SLC45A1: variants seen among roughly 807,000 people sequenced by gnomAD.
SLC45A1 encodes proton-associated sugar transporter A.
A neutral mutation model predicts 57.6 loss-of-function variants in SLC45A1; 28 were observed. The ratio of observed to expected loss-of-function variants is 0.49; its 90% CI spans 0.36 to 0.67. The LOEUF is 0.67. Ranked by LOEUF, SLC45A1 falls within the 30% of genes least tolerant of loss-of-function variation. The pLI, the probability that SLC45A1 is intolerant of heterozygous loss-of-function variation, is 0.00. For synonymous variants in SLC45A1, 459 were observed against 471.5 expected, an observed-to-expected ratio of 0.97 and a Z score of 0.34; for missense variants, 814 against 1,041.5, an observed-to-expected ratio of 0.78 and a Z score of 3.01.
rs547186750 is a variant in SLC45A1, at chr1:8,330,378, G to A, written c.885G>A (p.Pro295=). 48 of 1,612,932 alleles carry A rather than the reference G, an allele frequency of 3.0e-5. 1 individual carries two copies. The highest frequency in any genetic ancestry group is 2.2e-4 in the South Asian group (20 of 91,068). Residue 295 remains proline, a synonymous_variant, in exon 5 of 9, where the codon CCG becomes CCA. Coordinates refer to ENST00000471889, the MANE Select transcript of SLC45A1 (RefSeq NM_001080397.3). This position sits in a 1 kb window ranked among gnomAD's most constrained non-coding sequence, Gnocchi z 8.4. ...LVSIPERPLR[P]PSEKRAAMKS... ...GCATCCCTGAGAGGCCGCTGCGGCC[G>A]CCGAGTGAGAAGCGGGCAGCCATGA... is the stretch of plus-strand genomic sequence containing the variant.
chr1:8,334,946 G>C (rs1468395064), intron 5 of SLC45A1, among the ~76,000 whole-genome samples: 2 of 152,172 alleles, frequency 1.3e-5, no homozygotes, highest in Non-Finnish European at 2.9e-5. Context: ...GTCAAGGGCT[G>C]AGGTGCTCAT....
At chr1:8,332,663 C>G (rs935191940) in intron 5 of SLC45A1, among the ~76,000 whole-genome samples, 4 of 151,970 alleles carry the variant, frequency 2.6e-5, no homozygotes, top group Non-Finnish European at 5.9e-5. Context: ...GGGCACCCAC[C>G]ACCACGCCCG....
At chr1:8,341,107 G>A (rs867586132) in intron 8 of SLC45A1, among the ~76,000 whole-genome samples, 16 of 151,348 alleles carry the variant, frequency 1.1e-4, no homozygotes, top group South Asian at 8.4e-4. Context: ...CAGGAGAATC[G>A]CTTGAATCTG....
Position 8,335,710 on chromosome 1 carries a change from C to A in SLC45A1, c.1597+120C>A. The A allele has an allele frequency of 8.7e-7, 1 of 1,150,830 alleles. No homozygotes were observed. Among genetic ancestry groups the A allele is most frequent in the Non-Finnish European group, 1.2e-6 (1 of 842,102 alleles). The allele number at this position is 1,150,830 out of a possible 1,614,324, so 71.3% of individuals were successfully genotyped here. On this transcript the variant is annotated intron_variant, in intron 6 of 8. Coordinates refer to ENST00000471889, the MANE Select transcript of SLC45A1 (RefSeq NM_001080397.3). The surrounding 1 kb of genome is among the most constrained non-coding windows in gnomAD (Gnocchi z 4.1). The stretch of plus-strand genomic sequence containing the variant: ...GAACCTTTCTGAGTTCACCAGCCCC[C>A]AACAACAGCACCAAGGGCAGGCCTG...
In SLC45A1 at chr1:8,323,505, A is replaced by G. The variant is rs571659581; in HGVS notation, c.-24-801A>G. Reference sequence around the variant, plus strand: ...GACTCTGTCTCAAAAAAAAAAAAAAAAAAAAAGTAAGTTGAAGCTGGGGGG... The same window carrying G: ...GACTCTGTCTCAAAAAAAAAAAAAAGAAAAAAGTAAGTTGAAGCTGGGGGG... On this transcript the variant is annotated intron_variant, in intron 1 of 8. Coordinates refer to ENST00000471889, the MANE Select transcript of SLC45A1 (RefSeq NM_001080397.3). Among the ~76,000 whole-genome samples the G allele has an allele frequency of 3.6e-3, 540 of 151,398 alleles. 8 individuals carry two copies. Among genetic ancestry groups the G allele is most frequent in the African/African-American group, 0.012 (507 of 41,292 alleles).
chr1:8,338,755 T>A (rs7537649), intron 7 of SLC45A1, among the ~76,000 whole-genome samples: 5,106 of 152,240 alleles, frequency 0.034, 127 homozygotes, highest in African/African-American at 0.063. Flanking sequence ...AAAATATTCA[T>A]CTTTTTTTGG....
chr1:8,343,608 T>A lies in SLC45A1; in HGVS notation c.1981-139T>A. The stretch of plus-strand genomic sequence containing the variant: ...TTGTTAAACTCTTGGCTGAACTCCC[T>A]GTGCATGTTGGCGCTGAAAAATGTG... On this transcript the variant is annotated intron_variant, in intron 8 of 8. Coordinates refer to ENST00000471889, the MANE Select transcript of SLC45A1 (RefSeq NM_001080397.3). The surrounding 1 kb of genome is among the most constrained non-coding windows in gnomAD (Gnocchi z 7.7). The A allele has an allele frequency of 1.2e-6, 1 of 805,514 alleles. No individual in the cohort carries two copies. Among genetic ancestry groups the A allele is most frequent in the Non-Finnish European group, 2.0e-6 (1 of 508,838 alleles). The allele number at this position is 805,514 out of a possible 1,614,324, so 49.9% of individuals were successfully genotyped here. A position where few individuals can be genotyped will look rare whatever the true frequency, so the allele number is the denominator to read the frequency against.
chr1:8,322,240 T>G, intron 1 of SLC45A1, among the ~76,000 whole-genome samples: 1 of 36 alleles, frequency 0.028, no homozygotes, highest in African/African-American at 0.071. Context: ...GGTGGGTGGG[T>G]GGATGGATGG....
intron 4 of SLC45A1, among the ~76,000 whole-genome samples, chr1:8,329,111 G>A (rs1448498684): frequency 6.6e-6 from 1 of 152,150 alleles, no homozygotes. Flanking sequence ...ACAAACAAAG[G>A]AAGATCTACA....
intron 5 of SLC45A1, among the ~76,000 whole-genome samples, chr1:8,331,782 C>T (rs147294435): frequency 2.1e-5 from 3 of 144,374 alleles, no homozygotes; most frequent in Non-Finnish European, 3.0e-5. Flanking sequence ...TGGCTGGGAG[C>T]GACAGTGACA....
chr1:8,329,942 G>T (rs544004683), intron 4 of SLC45A1, among the ~76,000 whole-genome samples: 1 of 152,286 alleles, frequency 6.6e-6, no homozygotes, highest in East Asian at 1.9e-4. Flanking sequence ...AAGTGGAAGG[G>T]GATGTAGGCA....
At chr1:8,318,332 G>A (rs1280190158) in intron 1 of SLC45A1, 146 bp downstream of exon 1, 1 of 393,054 alleles carries the variant, frequency 2.5e-6, no homozygotes, top group Non-Finnish European at 4.5e-6. Context: ...GAAGTCTCAT[G>A]AATTGCAGAG....
intron 4 of SLC45A1, among the ~76,000 whole-genome samples, chr1:8,329,417 G>A (rs1640301548): frequency 6.6e-6 from 1 of 152,260 alleles, no homozygotes; most frequent in Non-Finnish European, 1.5e-5. Context: ...CTGATGGGGT[G>A]GGTGTCGTGG....
intron 1 of SLC45A1, among the ~76,000 whole-genome samples, chr1:8,322,023 A>ATGGGTGGG (rs1173455478): frequency 3.1e-5 from 1 of 32,340 alleles, no homozygotes; most frequent in Non-Finnish European, 5.3e-5. Flanking sequence ...GGATGGATGG[A>ATGGGTGGG]TGGATGGGTG....
Position 8,343,657 on chromosome 1 carries a change from G to A in SLC45A1, c.1981-90G>A, listed in dbSNP as rs1190757807. 18 of 1,469,280 alleles carry A rather than the reference G, an allele frequency of 1.2e-5. No homozygotes were observed. Among genetic ancestry groups the A allele is most frequent in the Middle Eastern group, 1.8e-4 (1 of 5,536 alleles). 91.0% of individuals were successfully genotyped at this position (1,469,280 alleles called of 1,614,324 possible). ...TGAGGCCGCTGTGTGTGGGCCGCTC[G>A]GGCCTCCTGGGCTCGCAGGACACAC... On this transcript the variant is annotated intron_variant, in intron 8 of 8. Transcript: ENST00000471889. This position sits in a 1 kb window ranked among gnomAD's most constrained non-coding sequence, Gnocchi z 7.7.
chr1:8,328,400 G>A lies in SLC45A1; in HGVS notation c.716-1809G>A, dbSNP rs1444981039. Among the ~76,000 whole-genome samples the A allele has an allele frequency of 1.3e-5, 2 of 152,170 alleles. No homozygotes were observed. The highest frequency in any genetic ancestry group is 1.9e-4 in the East Asian group (1 of 5,202). ...GCCGCTTCTCTTCCTCTTTCCACAC[G>A]TGCGCTGCTGTGGGCGAGGGAACTT... On this transcript the variant is annotated intron_variant, in intron 4 of 8. Transcript: ENST00000471889. This position sits in a 1 kb window ranked among gnomAD's most constrained non-coding sequence, Gnocchi z 4.6.
At chr1:8,338,835 A>C (rs1473680208) in intron 7 of SLC45A1, among the ~76,000 whole-genome samples, 2 of 152,136 alleles carry the variant, frequency 1.3e-5, no homozygotes, top group African/African-American at 4.8e-5. Flanking sequence ...TTCGATCCAT[A>C]ATCTGCCAAC....
Position 8,325,737 on chromosome 1 carries a change from G to T in SLC45A1, c.491-81G>T. 7.6e-7 allele frequency: 1 copy of T among 1,322,530 alleles called. No homozygotes were observed. Among genetic ancestry groups the T allele is most frequent in the South Asian group, 1.3e-5 (1 of 79,222 alleles). 81.9% of individuals were successfully genotyped at this position (1,322,530 alleles called of 1,614,324 possible). On this transcript the variant is annotated intron_variant, in intron 3 of 8. Coordinates refer to ENST00000471889, the MANE Select transcript of SLC45A1 (RefSeq NM_001080397.3). The surrounding 1 kb of genome is among the most constrained non-coding windows in gnomAD (Gnocchi z 6.3). ...GTTTTAAAAATTCTTGAGTCCTAAA[G>T]ATTCTAGACATAAGTCGTGAGCTGC... is the stretch of plus-strand genomic sequence containing the variant.
intron 7 of SLC45A1, among the ~76,000 whole-genome samples, chr1:8,339,175 C>G (rs905882416): frequency 6.6e-6 from 1 of 152,208 alleles, no homozygotes; most frequent in Non-Finnish European, 1.5e-5. Context: ...AGTCCCTGAG[C>G]CCCTTTGGTG....
Sources: allele counts gnomAD v4.1 joint callset (sites outside exome capture counted in the v4.1 genomes callset), GRCh38; gene constraint gnomAD v4.1.1; non-coding constraint Gnocchi (gnomAD v3.1); transcripts MANE v1.5; gene names NCBI Gene and HGNC (gene_info 2026-07-23, HGNC 2026-07-21).